CD83: variants seen among roughly 807,000 people sequenced by gnomAD.
CD83 encodes CD83 molecule.
Under a neutral mutation model 24.6 loss-of-function variants are expected in CD83, and 22 were observed. The observed-to-expected ratio is 0.90, with a 90% confidence interval of 0.64 to 1.28. The LOEUF (loss-of-function observed/expected upper bound fraction) is 1.28. Ranked by LOEUF, CD83 falls within the 50% of genes most tolerant of loss-of-function variation. The pLI is 0.00. For missense variants in CD83, 253 were observed against 252.8 expected (o/e 1.00, Z -0.01); for synonymous variants, 101 against 103.5 (o/e 0.98, Z 0.14).
intron 2 of CD83, among the ~76,000 whole-genome samples, chr6:14,118,847 C>T (rs1469394460): frequency 6.6e-6 from 1 of 152,186 alleles, no homozygotes; most frequent in East Asian, 1.9e-4. Context: ...TATCACTGGT[C>T]CTTCTTTAAG....
chr6:14,117,851 A>G lies in CD83; in HGVS notation c.37+3A>G. 1 of 1,574,574 alleles carries G rather than the reference A, an allele frequency of 6.4e-7. No individual in the cohort carries two copies. Among genetic ancestry groups the G allele is most frequent in the Middle Eastern group, 1.7e-4 (1 of 6,012 alleles). ...CCAGCTTCTGCTCCTGAGCTGCGGT[A>G]GGGCTCGCGAGCGCCTGTCTCGCCT... On this transcript the variant is annotated splice_donor_region_variant and intron_variant, in intron 1 of 4. Coordinates refer to ENST00000379153, the MANE Select transcript of CD83 (RefSeq NM_004233.4). This position sits in a 1 kb window ranked among gnomAD's most constrained non-coding sequence, Gnocchi z 4.6.
intron 2 of CD83, among the ~76,000 whole-genome samples, chr6:14,130,357 G>T (rs1171696190): frequency 2.6e-5 from 4 of 152,256 alleles, no homozygotes; most frequent in Non-Finnish European, 4.4e-5. Context: ...GAGAATTAAT[G>T]GTGAATGTGG....
At chr6:14,131,956 G>C (rs1033789313) in intron 3 of CD83, among the ~76,000 whole-genome samples, 1 of 152,158 alleles carries the variant, frequency 6.6e-6, no homozygotes, top group Non-Finnish European at 1.5e-5. Flanking sequence ...CCCAACACTT[G>C]TTAGGGGCTG....
chr6:14,131,419 C>A, intron 2 of CD83, 101 bp from the exon 3 acceptor site: 1 of 821,236 alleles, frequency 1.2e-6, no homozygotes, highest in Non-Finnish European at 2.0e-6. Context: ...GTTTTACAAA[C>A]ATAAGTTGAG....
Position 14,135,868 on chromosome 6 carries a change from T to C in CD83, c.*632T>C. 1 of 152,246 alleles carries C rather than the reference T, an allele frequency of 6.6e-6. No homozygotes were observed. The highest frequency in any genetic ancestry group is 1.5e-5 in the Non-Finnish European group (1 of 68,048). 9.4% of individuals were successfully genotyped at this position (152,246 alleles called of 1,614,324 possible). The stretch of plus-strand genomic sequence containing the variant: ...TCCATAAAGAAGCAATAAAGAAGAG[T>C]GCCACATTTATTTTTATATCTATAT... On this transcript the variant is annotated 3_prime_UTR_variant, in exon 5 of 5. Transcript: ENST00000379153.
chr6:14,134,681 A>G (rs768693541), intron 4 of CD83, among the ~76,000 whole-genome samples: 6 of 152,212 alleles, frequency 3.9e-5, no homozygotes, highest in Non-Finnish European at 7.3e-5. Flanking sequence ...TCAAGGCATT[A>G]TGCTAGGCAC....
In CD83 at chr6:14,117,932, GCTCT is replaced by G; in HGVS notation, c.38-13_38-10del. 3 of 1,599,412 alleles carry G rather than the reference GCTCT, an allele frequency of 1.9e-6. No homozygotes were observed. The highest frequency in any genetic ancestry group is 2.7e-5 in the African/African-American group (2 of 74,650). The stretch of plus-strand genomic sequence containing the variant: ...CCCGTCGGTCGCTTGCTCACGACGC[GCTCT>G]CTCTTTCTTGTAGCCTACAGCCTGG... On this transcript the variant is annotated splice_polypyrimidine_tract_variant and intron_variant, in intron 1 of 4. Transcript: ENST00000379153. The surrounding 1 kb of genome is among the most constrained non-coding windows in gnomAD (Gnocchi z 4.6).
At position 14,136,200 on chromosome 6, in the gene CD83, T is replaced by A. The variant is rs1758046134; in HGVS notation, c.*964T>A. 1 of 152,258 alleles carries A rather than the reference T, an allele frequency of 6.6e-6. No individual in the cohort carries two copies. Among genetic ancestry groups the A allele is most frequent in the Non-Finnish European group, 1.5e-5 (1 of 68,040 alleles). 9.4% of individuals were successfully genotyped at this position (152,258 alleles called of 1,614,324 possible). On this transcript the variant is annotated 3_prime_UTR_variant, in exon 5 of 5. Coordinates refer to ENST00000379153, the MANE Select transcript of CD83 (RefSeq NM_004233.4). ...GAAGATCATATACGTGAAAATTATT[T>A]GAAAACATATAAAGCACTATACAGA...
upstream of CD83, chr6:14,117,695 C>A: frequency 1.4e-6 from 1 of 712,430 alleles, no homozygotes; most frequent in Non-Finnish European, 2.1e-6. This position sits in a 1 kb window ranked among gnomAD's most constrained non-coding sequence, Gnocchi z 4.6. Context: ...CGCTGCCCGC[C>A]GGGGAATCCC....
chr6:14,120,108 G>A (rs940509550), intron 2 of CD83, among the ~76,000 whole-genome samples: 17 of 152,228 alleles, frequency 1.1e-4, no homozygotes, highest in Non-Finnish European at 1.5e-4. Context: ...CCATGGAATA[G>A]TGCCAATGAA....
chr6:14,119,153 A>C (rs2113384444), intron 2 of CD83, among the ~76,000 whole-genome samples: 1 of 152,326 alleles, frequency 6.6e-6, no homozygotes, highest in South Asian at 2.1e-4. Context: ...ACTTCTGTGT[A>C]TTCTTCACGG....
intron 2 of CD83, among the ~76,000 whole-genome samples, chr6:14,118,603 G>A (rs1759599253): frequency 6.6e-6 from 1 of 152,202 alleles, no homozygotes; most frequent in Middle Eastern, 3.4e-3. Flanking sequence ...CTCCTTTGTG[G>A]GATACCCTTG....
chr6:14,131,562 G>C lies in CD83; in HGVS notation c.196G>C (p.Asp66His), dbSNP rs758225891. The C allele has an allele frequency of 6.2e-7, 1 of 1,614,150 alleles. No individual in the cohort carries two copies. The highest frequency in any genetic ancestry group is 2.2e-5 in the East Asian group (1 of 44,888). ...AGAGAGGATGGAGACACCCCAGGAA[G>C]ACCACCTCAGGGGACAGCACTATCA... ...GEERMETPQE[D>H]HLRGQHYHQK... Residue 66 changes from aspartate to histidine, a missense_variant, in exon 3 of 5, where the codon GAC becomes CAC. By Grantham distance (81) the Asp-to-His change is moderately conservative. Coordinates refer to ENST00000379153, the MANE Select transcript of CD83 (RefSeq NM_004233.4).
At position 14,133,637 on chromosome 6, in the gene CD83, AC is replaced by A. The variant is rs770478942; in HGVS notation, c.383-11del. 4.5e-6 allele frequency: 7 copies of A among 1,550,226 alleles called. No individual in the cohort carries two copies. In the Admixed American group the frequency reaches 1.3e-4, roughly 30 times the overall value. On this transcript the variant is annotated splice_polypyrimidine_tract_variant and intron_variant, in intron 3 of 4. Coordinates refer to ENST00000379153, the MANE Select transcript of CD83 (RefSeq NM_004233.4). ...GTTAAAATGGCTTCACATGTCGCTT[AC>A]TTTTTTAAAGGATGCCCTGCACAGC...
At chr6:14,118,873 C>A (rs529570479) in intron 2 of CD83, among the ~76,000 whole-genome samples, 1 of 152,306 alleles carries the variant, frequency 6.6e-6, no homozygotes, top group African/African-American at 2.4e-5. Context: ...CCACTGCTAC[C>A]ACAGCACCTC....
chr6:14,127,432 T>C (rs1759844981), intron 2 of CD83, among the ~76,000 whole-genome samples: 1 of 152,136 alleles, frequency 6.6e-6, no homozygotes, highest in Non-Finnish European at 1.5e-5. Flanking sequence ...TTGGATAAAA[T>C]TATGTAAACT....
upstream of CD83, chr6:14,117,740 G>T: frequency 8.8e-7 from 1 of 1,132,206 alleles, no homozygotes; most frequent in Non-Finnish European, 1.2e-6. The surrounding 1 kb of genome is among the most constrained non-coding windows in gnomAD (Gnocchi z 4.6). Context: ...CCGAACGCGC[G>T]GGCATAAAAG....
chr6:14,128,110 T>C (rs3799924), intron 2 of CD83, among the ~76,000 whole-genome samples: 45,514 of 152,118 alleles, frequency 0.3, 8,571 homozygotes, highest in African/African-American at 0.53. Context: ...TGATTTTGAG[T>C]GAGCTCCAAT....
chr6:14,124,388 A>G lies in CD83; in HGVS notation c.153+6323A>G, dbSNP rs533566989. 2.6e-5 allele frequency among the ~76,000 whole-genome samples: 4 copies of G among 152,370 alleles called. No homozygotes were observed. The South Asian group carries it at 8.3e-4, about 32-fold the overall frequency. Reference sequence around the variant, plus strand: ...ATTCTAGAAGAGCTGGTAGCTGCCTAGGATTATGGGTCCACATAGGGAAAA... The same window carrying G: ...ATTCTAGAAGAGCTGGTAGCTGCCTGGGATTATGGGTCCACATAGGGAAAA... On this transcript the variant is annotated intron_variant, in intron 2 of 4. Transcript: ENST00000379153.
Sources: allele counts gnomAD v4.1 joint callset (sites outside exome capture counted in the v4.1 genomes callset), GRCh38; gene constraint gnomAD v4.1.1; non-coding constraint Gnocchi (gnomAD v3.1); transcripts MANE v1.5; gene names NCBI Gene and HGNC (gene_info 2026-07-23, HGNC 2026-07-21).